Variants in SEC14L5 observed in about 807,000 individuals in gnomAD.
SEC14L5 encodes the protein SEC14 like lipid binding 5.
SEC14L5 carries 96 observed loss-of-function variants against 84.6 expected under a neutral mutation model. The observed-to-expected ratio is 1.13, with a 90% CI of 0.96 to 1.34. The LOEUF (loss-of-function observed/expected upper bound fraction) is 1.34, where lower values mean the gene tolerates loss of function less well. Among genes scored for constraint, SEC14L5 ranks in the 40% most tolerant of loss-of-function variants. SEC14L5 has a pLI of 0.00. For synonymous variants in SEC14L5, 546 were observed against 383.4 expected, an observed-to-expected ratio of 1.42 and a Z score of -4.95; for missense variants, 1,224 against 942.5, an observed-to-expected ratio of 1.30 and a Z score of -3.91.
chr16:4,959,217 G>A (rs1347692279), intron 1 of SEC14L5, 56 bp from the exon 2 acceptor site: 1 of 811,842 alleles, frequency 1.2e-6, no homozygotes, highest in Non-Finnish European at 2.2e-6. Context: ...TTGGTGGGTG[G>A]TGTCCCTGCT....
chr16:5,008,501 G>C lies in SEC14L5; in HGVS notation c.1653G>C (p.Leu551=). The part of the protein sequence containing the change: ...DILRGDVVFS[L]YHTKQAPRLG... ...TGCGAGGGGACGTGGTGTTCAGCCT[G>C]TACCACACCAAGCAGGCGCCCAGGC... The change falls in exon 14 of 16, where the codon CTG becomes CTC. Residue 551 remains leucine, a synonymous_variant. Coordinates refer to ENST00000251170, the MANE Select transcript of SEC14L5 (RefSeq NM_014692.2). 3 of 1,612,842 alleles carry C rather than the reference G, an allele frequency of 1.9e-6. No homozygotes were observed. Among genetic ancestry groups the C allele is most frequent in the South Asian group, 1.1e-5 (1 of 90,940 alleles).
intron 15 of SEC14L5, among the ~76,000 whole-genome samples, chr16:5,012,905 G>GAAAA (rs35512692): frequency 0.25 from 36,019 of 145,432 alleles, 4,684 homozygotes; most frequent in Admixed American, 0.34. Context: ...AAAGAAAAAG[G>GAAAA]AAAAAAAAAA....
intron 10 of SEC14L5, among the ~76,000 whole-genome samples, chr16:5,002,031 A>G (rs1182450390): frequency 6.6e-6 from 1 of 152,196 alleles, no homozygotes; most frequent in Non-Finnish European, 1.5e-5. Context: ...TGGCCTTCCA[A>G]AGGGTTGGGA....
chr16:5,009,061 A>G (rs1314819157), intron 14 of SEC14L5, among the ~76,000 whole-genome samples: 3 of 152,204 alleles, frequency 2.0e-5, no homozygotes, highest in East Asian at 1.9e-4. Flanking sequence ...TCACAAGTCC[A>G]AAACCAAGGT....
chr16:4,982,589 G>A (rs1955438260), intron 2 of SEC14L5, among the ~76,000 whole-genome samples: 1 of 152,178 alleles, frequency 6.6e-6, no homozygotes, highest in Non-Finnish European at 1.5e-5. Context: ...AATTGGCTCC[G>A]AGGACAGTGA....
chr16:4,998,853 TA>T (rs1398162165), intron 8 of SEC14L5, among the ~76,000 whole-genome samples: 6 of 151,902 alleles, frequency 3.9e-5, no homozygotes, highest in Admixed American at 6.5e-5. Flanking sequence ...TCAATCTTCC[TA>T]ATTTATGGAA....
At chr16:4,966,904 A>C (rs1476106013) in intron 2 of SEC14L5, among the ~76,000 whole-genome samples, 1 of 152,220 alleles carries the variant, frequency 6.6e-6, no homozygotes, top group Admixed American at 6.5e-5. Context: ...ATACAGCCCA[A>C]GCCTGCAGGC....
In SEC14L5 at chr16:4,996,873, A is replaced by T; in HGVS notation, c.799A>T (p.Ile267Phe). Reference sequence around the variant, plus strand: ...CTCTCAGATTCCCAAAGATGAGCACATCCTTCGGTTCCTGCGGGCTCATGA... The same window carrying T: ...CTCTCAGATTCCCAAAGATGAGCACTTCCTTCGGTTCCTGCGGGCTCATGA... ...HKGKIPKDEH[I>F]LRFLRAHDFH... is the part of the protein sequence containing the mutation. Residue 267 changes from isoleucine (I) to phenylalanine (F), a missense_variant, in exon 8 of 16, where the codon ATC (isoleucine) becomes TTC (phenylalanine). Ile to Phe is a conservative substitution (Grantham distance 21). Transcript: ENST00000251170. The T allele has an allele frequency of 6.2e-7, 1 of 1,612,710 alleles. No individual in the cohort carries two copies. Among genetic ancestry groups the T allele is most frequent in the Non-Finnish European group, 8.5e-7 (1 of 1,179,378 alleles).
At chr16:4,992,859 T>C (rs59179521) in intron 6 of SEC14L5, among the ~76,000 whole-genome samples, 24,602 of 152,254 alleles carry the variant, frequency 0.16, 2,200 homozygotes, top group Middle Eastern at 0.24. Context: ...CACACATATG[T>C]GTGTACATGC....
intron 2 of SEC14L5, among the ~76,000 whole-genome samples, chr16:4,971,197 C>T (rs1160961492): frequency 2.6e-5 from 4 of 152,104 alleles, no homozygotes; most frequent in African/African-American, 9.7e-5. Context: ...TGGCTTACGC[C>T]TATAATCGTA....
At chr16:4,961,669 C>A (rs1955122742) in intron 2 of SEC14L5, among the ~76,000 whole-genome samples, 1 of 152,134 alleles carries the variant, frequency 6.6e-6, no homozygotes, top group Non-Finnish European at 1.5e-5. Flanking sequence ...ATGGGCATGG[C>A]TTATTTTCAA....
chr16:4,982,081 C>T (rs1465093222), intron 2 of SEC14L5, among the ~76,000 whole-genome samples: 1 of 152,146 alleles, frequency 6.6e-6, no homozygotes, highest in Non-Finnish European at 1.5e-5. Flanking sequence ...TTTGTCGCAG[C>T]AACTGACATG....
At chr16:4,977,825 G>C (rs1023264556) in intron 2 of SEC14L5, among the ~76,000 whole-genome samples, 3 of 151,542 alleles carry the variant, frequency 2.0e-5, no homozygotes, top group Non-Finnish European at 4.4e-5. Context: ...TTATTTTTGA[G>C]ATGGAGTCTC....
At chr16:5,010,683 C>G (rs905776586) in intron 14 of SEC14L5, among the ~76,000 whole-genome samples, 1 of 152,162 alleles carries the variant, frequency 6.6e-6, no homozygotes, top group African/African-American at 2.4e-5. Flanking sequence ...ACAAACACTT[C>G]CCTTTCTCAC....
intron 2 of SEC14L5, among the ~76,000 whole-genome samples, chr16:4,972,702 A>C (rs142825542): frequency 6.7e-4 from 102 of 152,334 alleles, no homozygotes; most frequent in Middle Eastern, 3.4e-3. Context: ...ACGTCATTGT[A>C]TGACTCCATC....
intron 2 of SEC14L5, among the ~76,000 whole-genome samples, chr16:4,975,914 T>C (rs1055857615): frequency 1.3e-5 from 2 of 152,156 alleles, no homozygotes; most frequent in Non-Finnish European, 1.5e-5. Context: ...CTGGAAGATG[T>C]TGGTGCAGCT....
chr16:5,007,967 G>A (rs191591914), intron 13 of SEC14L5, among the ~76,000 whole-genome samples: 2 of 149,560 alleles, frequency 1.3e-5, no homozygotes, highest in Non-Finnish European at 3.0e-5. Flanking sequence ...GAGTGCAGTG[G>A]CGCAATGTTG....
In SEC14L5 at chr16:4,988,333, A is replaced by C. The variant is rs1460730798; in HGVS notation, c.345+53A>C. The stretch of plus-strand genomic sequence containing the variant: ...CGCCCGGCACCCACCTGCGCCCGGC[A>C]CCCACCTGTGCCCAGAGCTGTGTCC... On this transcript the variant is annotated intron_variant, in intron 4 of 15. Coordinates refer to ENST00000251170, the MANE Select transcript of SEC14L5 (RefSeq NM_014692.2). 5.7e-6 allele frequency: 9 copies of C among 1,592,088 alleles called. No homozygotes were observed. The African/African-American group carries it at 1.2e-4, about 21-fold the overall frequency.
intron 11 of SEC14L5, 29 bp downstream of exon 11, chr16:5,003,602 TC>T: frequency 4.7e-6 from 1 of 212,976 alleles, no homozygotes; most frequent in Non-Finnish European, 8.3e-6. Context: ...GCCAGGACTC[TC>T]CCTGGGGGTG....
Sources: allele counts gnomAD v4.1 joint callset (sites outside exome capture counted in the v4.1 genomes callset), GRCh38; gene constraint gnomAD v4.1.1; transcripts MANE v1.5; gene names NCBI Gene and HGNC (gene_info 2026-07-23, HGNC 2026-07-21).